LARGE1: variants seen among roughly 807,000 people sequenced by gnomAD.
LARGE1 encodes LARGE xylosyl- and glucuronyltransferase 1.
LARGE1 carries 43 observed loss-of-function variants against 87.6 expected under a neutral mutation model. That is an observed-to-expected ratio of 0.49 (90% confidence interval 0.38 to 0.63). LARGE1 has a LOEUF of 0.63. LARGE1 is among the 30% of genes least tolerant of loss of function. The probability of loss-of-function intolerance (pLI) is 0.00; values close to 1 mark genes in which losing one functional copy is unlikely to be tolerated. For synonymous variants in LARGE1, 434 were observed against 394.6 expected (o/e 1.10, Z -1.18); for missense variants, 802 against 1,000.2 (o/e 0.80, Z 2.67).
Position 33,492,047 on chromosome 22 carries a change from G to C in LARGE1, c.788-59782C>G, listed in dbSNP as rs183826535. Among the ~76,000 whole-genome samples, 15 of 152,298 alleles carry C rather than the reference G, an allele frequency of 9.8e-5. No individual in the cohort carries two copies. In the East Asian group the frequency reaches 2.9e-3, roughly 29 times the overall value. On this transcript the variant is annotated intron_variant, in intron 6 of 14. Transcript: ENST00000397394. ...TCAGTGGCAGTGTTCTGAACAGAGTGGGTGCCAGAATAGTGTTGAATTACT... is the reference window on the plus strand; with the variant it reads ...TCAGTGGCAGTGTTCTGAACAGAGTCGGTGCCAGAATAGTGTTGAATTACT...
chr22:33,212,026 A>C (rs957998130), intron 11 of LARGE1, among the ~76,000 whole-genome samples: 2 of 152,214 alleles, frequency 1.3e-5, no homozygotes, highest in Non-Finnish European at 2.9e-5. Context: ...TTAAAGAAAG[A>C]AGTTGTCTCC....
chr22:33,121,785 G>T, the LARGE1 span, among the ~76,000 whole-genome samples: 1 of 152,162 alleles, frequency 6.6e-6, no homozygotes, highest in Non-Finnish European at 1.5e-5. Flanking sequence ...TGAACTCACG[G>T]TTCCACATGG....
At chr22:33,263,131 T>C (rs1016144733) in intron 11 of LARGE1, among the ~76,000 whole-genome samples, 3 of 152,118 alleles carry the variant, frequency 2.0e-5, no homozygotes, top group African/African-American at 7.2e-5. Context: ...CCTGACCTTG[T>C]GATTCGCCAC....
intron 3 of LARGE1, among the ~76,000 whole-genome samples, chr22:33,647,375 A>C (rs1429099956): frequency 1.3e-5 from 2 of 152,194 alleles, no homozygotes; most frequent in Non-Finnish European, 2.9e-5. Flanking sequence ...ATCTAAAAGG[A>C]TCTGAAGTGT....
chr22:33,777,840 T>C (rs946689968), intron 1 of LARGE1, among the ~76,000 whole-genome samples: 1 of 152,186 alleles, frequency 6.6e-6, no homozygotes, highest in Non-Finnish European at 1.5e-5. Flanking sequence ...TGGGATGCCC[T>C]GCTGGGGGCC....
At chr22:33,852,013 T>A (rs747709606) in intron 1 of LARGE1, among the ~76,000 whole-genome samples, 2 of 152,178 alleles carry the variant, frequency 1.3e-5, no homozygotes, top group Non-Finnish European at 2.9e-5. Context: ...AGTGACTCCA[T>A]CACTCTATAT....
chr22:33,833,205 C>G (rs2063022177), intron 1 of LARGE1, among the ~76,000 whole-genome samples: 1 of 152,204 alleles, frequency 6.6e-6, no homozygotes, highest in Admixed American at 6.5e-5. Flanking sequence ...ACTGAAACAT[C>G]TGAATGGCGG....
At chr22:33,912,837 G>GTT (rs35195367) in intron 1 of LARGE1, among the ~76,000 whole-genome samples, 6,913 of 143,604 alleles carry the variant, frequency 0.048, 193 homozygotes, top group East Asian at 0.12. Flanking sequence ...AGACAAGCAT[G>GTT]TTTTTTTTTT....
At position 33,183,924 on chromosome 22, in the gene LARGE1, T is replaced by C. The variant is rs531655713; in HGVS notation, c.1731-17092A>G. Among the ~76,000 whole-genome samples the C allele has an allele frequency of 4.0e-5, 6 of 151,888 alleles. No individual in the cohort carries two copies. The East Asian group carries it at 1.2e-3, about 29-fold the overall frequency. ...TATAAAATGAATTAAGTTCTGGGGA[T>C]TGAATGCACAGAATGGTGACTATAG... On this transcript the variant is annotated intron_variant, in intron 11 of 11. Transcript: ENST00000608642.
intron 7 of LARGE1, among the ~76,000 whole-genome samples, chr22:33,415,009 A>C (rs2066436086): frequency 1.3e-5 from 2 of 152,244 alleles, no homozygotes; most frequent in Non-Finnish European, 2.9e-5. Flanking sequence ...TAGCAGCCAG[A>C]ATGGACTAAG....
chr22:33,801,003 C>T (rs1189652415), intron 1 of LARGE1, among the ~76,000 whole-genome samples: 5 of 152,018 alleles, frequency 3.3e-5, no homozygotes, highest in Non-Finnish European at 7.4e-5. Flanking sequence ...GGGAGGGACC[C>T]GGGGGAGGTA....
chr22:33,294,032 ACT>A (rs1259323581), intron 12 of LARGE1, among the ~76,000 whole-genome samples: 1 of 151,926 alleles, frequency 6.6e-6, no homozygotes, highest in Non-Finnish European at 1.5e-5. Flanking sequence ...GCATCTTTCT[ACT>A]CTCTCTTTTC....
chr22:33,762,357 G>T (rs2084765077), intron 1 of LARGE1, among the ~76,000 whole-genome samples: 1 of 151,928 alleles, frequency 6.6e-6, no homozygotes. Flanking sequence ...GGCAGATAAA[G>T]GTGCTGACTG....
chr22:33,595,939 G>T (rs892626515), intron 5 of LARGE1, among the ~76,000 whole-genome samples: 1 of 152,220 alleles, frequency 6.6e-6, no homozygotes, highest in Non-Finnish European at 1.5e-5. Context: ...GAAGATTTCA[G>T]TAAGGCATAA....
chr22:33,132,400 C>A, the LARGE1 span, among the ~76,000 whole-genome samples: 1 of 151,390 alleles, frequency 6.6e-6, no homozygotes, highest in Non-Finnish European at 1.5e-5. Context: ...CCAGGCTGGT[C>A]TGGAACTCCT....
At chr22:33,075,412 A>C in the LARGE1 span, among the ~76,000 whole-genome samples, 1 of 152,222 alleles carries the variant, frequency 6.6e-6, no homozygotes, top group Non-Finnish European at 1.5e-5. Flanking sequence ...CCTTAGGTGA[A>C]TCAGTCACCT....
At chr22:33,481,107 A>G (rs1229068084) in intron 6 of LARGE1, among the ~76,000 whole-genome samples, 4 of 151,914 alleles carry the variant, frequency 2.6e-5, no homozygotes, top group Non-Finnish European at 4.4e-5. Flanking sequence ...TAAAACTTAG[A>G]TACATACTTT....
intron 1 of LARGE1, among the ~76,000 whole-genome samples, chr22:33,851,367 A>G (rs2063578460): frequency 6.6e-6 from 1 of 152,046 alleles, no homozygotes; most frequent in Non-Finnish European, 1.5e-5. Flanking sequence ...CTCTCAAGTC[A>G]CTTACTTCGA....
chr22:33,698,197 C>T (rs569246703), intron 2 of LARGE1, among the ~76,000 whole-genome samples: 53 of 150,846 alleles, frequency 3.5e-4, no homozygotes, highest in African/African-American at 1.2e-3. Context: ...CTCAGGCTGC[C>T]GAGTAGCTGA....
Sources: allele counts gnomAD v4.1 joint callset (sites outside exome capture counted in the v4.1 genomes callset), GRCh38; gene constraint gnomAD v4.1.1; transcripts MANE v1.5; gene names NCBI Gene and HGNC (gene_info 2026-07-23, HGNC 2026-07-21).